SERTAD2: variants seen among roughly 807,000 people sequenced by gnomAD.
The protein encoded by SERTAD2 is SERTA domain containing 2.
Under a neutral mutation model 15.4 loss-of-function variants are expected in SERTAD2, and 2 were observed. The observed-to-expected ratio is 0.13, with a 90% confidence interval of 0.05 to 0.41. The LOEUF is 0.41. Among genes scored for constraint, SERTAD2 ranks in the 10% least tolerant of loss-of-function variants. The pLI, the probability that SERTAD2 is intolerant of heterozygous loss-of-function variation, is 0.99. For missense variants in SERTAD2, 333 were observed against 409.7 expected, an observed-to-expected ratio of 0.81 and a Z score of 1.62; for synonymous variants, 180 against 178.0, an observed-to-expected ratio of 1.01 and a Z score of -0.09.
intron 1 of SERTAD2, chr2:64,646,620 A>G (rs1674907967): frequency 6.6e-6 from 1 of 152,232 alleles, no homozygotes. Flanking sequence ...ATTGTTTCCA[A>G]ATTCAGGTAT....
intron 1 of SERTAD2, among the ~76,000 whole-genome samples, chr2:64,647,611 G>C (rs1438132249): frequency 2.6e-5 from 4 of 151,216 alleles, no homozygotes. Flanking sequence ...ACAATGTCAA[G>C]GAGGTGGGGA....
At chr2:64,652,277 G>A (rs1675028590) in intron 1 of SERTAD2, among the ~76,000 whole-genome samples, 1 of 152,090 alleles carries the variant, frequency 6.6e-6, no homozygotes, top group Non-Finnish European at 1.5e-5. Flanking sequence ...TATAAAAAGG[G>A]GGAGGGATGG....
chr2:64,632,322 T>C lies in SERTAD2; in HGVS notation c.*3605A>G, dbSNP rs1674551588. ...CATAATTCATTGTTTACCACAAAGG[T>C]GGTTCATAAATTTAAGCTTTAAAAA... is the stretch of plus-strand genomic sequence containing the variant. On this transcript the variant is annotated 3_prime_UTR_variant, in exon 2 of 2. Coordinates refer to ENST00000313349, the MANE Select transcript of SERTAD2 (RefSeq NM_014755.3). 1 of 150,754 alleles carries C rather than the reference T, an allele frequency of 6.6e-6. No individual in the cohort carries two copies. Among genetic ancestry groups the C allele is most frequent in the South Asian group, 2.1e-4 (1 of 4,680 alleles). The allele number at this position is 150,754 out of a possible 1,614,324, so 9.3% of individuals were successfully genotyped here. A position where few individuals can be genotyped will look rare whatever the true frequency, so the allele number is the denominator to read the frequency against.
At chr2:64,651,429 T>G (rs1675006752) in intron 1 of SERTAD2, among the ~76,000 whole-genome samples, 1 of 152,234 alleles carries the variant, frequency 6.6e-6, no homozygotes, top group Non-Finnish European at 1.5e-5. Context: ...TTGTGTGTGA[T>G]GCATGTGTGT....
intron 1 of SERTAD2, among the ~76,000 whole-genome samples, chr2:64,647,248 C>A (rs989390506): frequency 1.3e-5 from 2 of 152,180 alleles, no homozygotes; most frequent in African/African-American, 4.8e-5. Flanking sequence ...TATAATGAGT[C>A]TCCACATTTG....
chr2:64,648,902 G>C (rs1039249340), intron 1 of SERTAD2, among the ~76,000 whole-genome samples: 3 of 152,090 alleles, frequency 2.0e-5, no homozygotes, highest in African/African-American at 7.2e-5. Flanking sequence ...CTGACAAGCA[G>C]AGAGGCAGAG....
At chr2:64,643,847 C>A (rs1674834066) in intron 1 of SERTAD2, among the ~76,000 whole-genome samples, 1 of 151,316 alleles carries the variant, frequency 6.6e-6, no homozygotes, top group Non-Finnish European at 1.5e-5. Context: ...GCCTGGGTGA[C>A]AGAGTAAAAC....
intron 1 of SERTAD2, among the ~76,000 whole-genome samples, chr2:64,644,431 G>A (rs1221803049): frequency 1.3e-5 from 2 of 152,214 alleles, no homozygotes; most frequent in African/African-American, 2.4e-5. Context: ...ATGACAAAAG[G>A]GAACCTCCCA....
rs1385353427 is a variant in SERTAD2 at position 64,633,049 on chromosome 2, A to G, written c.*2878T>C. ...CTGGATGCCATGTGATGTCTTTCAT[A>G]AAGGGAAGGCACTGCTGGAAGCACA... On this transcript the variant is annotated 3_prime_UTR_variant, in exon 2 of 2. Coordinates refer to ENST00000313349, the MANE Select transcript of SERTAD2 (RefSeq NM_014755.3). 1.3e-5 allele frequency: 2 copies of G among 152,592 alleles called. No homozygotes were observed. The highest frequency in any genetic ancestry group is 2.9e-5 in the Non-Finnish European group (2 of 68,054). 9.5% of individuals were successfully genotyped at this position (152,592 alleles called of 1,614,324 possible). A position where few individuals can be genotyped will look rare whatever the true frequency, so the allele number is the denominator to read the frequency against.
At chr2:64,643,631 G>A (rs1486518459) in intron 1 of SERTAD2, among the ~76,000 whole-genome samples, 2 of 152,242 alleles carry the variant, frequency 1.3e-5, no homozygotes, top group African/African-American at 4.8e-5. Flanking sequence ...CACTTTGGAA[G>A]GCCGAGGCGG....
At position 64,635,231 on chromosome 2, in the gene SERTAD2, T is replaced by C. The variant is rs952352869; in HGVS notation, c.*696A>G. 6.6e-6 allele frequency: 1 copy of C among 152,670 alleles called. No individual in the cohort carries two copies. Among genetic ancestry groups the C allele is most frequent in the Admixed American group, 6.5e-5 (1 of 15,288 alleles). 9.5% of individuals were successfully genotyped at this position (152,670 alleles called of 1,614,324 possible). On this transcript the variant is annotated 3_prime_UTR_variant, in exon 2 of 2. Transcript: ENST00000313349. ...CCATACACATATAAAACATTACAAC[T>C]CTATAAAAGTACAAGTGCAACTTGT... is the stretch of plus-strand genomic sequence containing the variant.
rs1165949503 is a variant in SERTAD2 at position 64,634,802 on chromosome 2, C to T, written c.*1125G>A. ...GTTCGGATGTAAAATTTCAGGTCAT[C>T]ATAAAAATTATGCCAAAAAGGAAAG... is the stretch of plus-strand genomic sequence containing the variant. On this transcript the variant is annotated 3_prime_UTR_variant, in exon 2 of 2. Coordinates refer to ENST00000313349, the MANE Select transcript of SERTAD2 (RefSeq NM_014755.3). 6.6e-6 allele frequency: 1 copy of T among 152,102 alleles called. No homozygotes were observed. Among genetic ancestry groups the T allele is most frequent in the Non-Finnish European group, 1.5e-5 (1 of 68,006 alleles). 9.4% of individuals were successfully genotyped at this position (152,102 alleles called of 1,614,324 possible). A position where few individuals can be genotyped will look rare whatever the true frequency, so the allele number is the denominator to read the frequency against.
At chr2:64,637,139 A>G (rs1674678890) in intron 1 of SERTAD2, among the ~76,000 whole-genome samples, 1 of 152,230 alleles carries the variant, frequency 6.6e-6, no homozygotes, top group South Asian at 2.1e-4. Context: ...AATGTGTACG[A>G]CACAGACAAG....
At chr2:64,643,380 G>A (rs1039716880) in intron 1 of SERTAD2, among the ~76,000 whole-genome samples, 1 of 152,218 alleles carries the variant, frequency 6.6e-6, no homozygotes, top group East Asian at 1.9e-4. Flanking sequence ...GGCTAGTGGG[G>A]TGAGCTGGCC....
chr2:64,636,130 A>G lies in SERTAD2; in HGVS notation c.742T>C (p.Phe248Leu), dbSNP rs1256505030. 1.9e-6 allele frequency: 3 copies of G among 1,614,198 alleles called. No homozygotes were observed. Among genetic ancestry groups the G allele is most frequent in the Non-Finnish European group, 2.5e-6 (3 of 1,180,032 alleles). The change falls in exon 2 of 2, where the codon TTT (phenylalanine) becomes CTT (leucine). Residue 248 changes from phenylalanine (F) to leucine (L), a missense_variant. Physicochemically the swap from Phe to Leu is conservative, Grantham distance 22. Around this residue, in one of 2 missense-constraint regions of SERTAD2, gnomAD observed 332 missense variants for 392.9 expected, o/e 0.84. Transcript: ENST00000313349. The stretch of plus-strand genomic sequence containing the variant: ...TACATGGACGTATCAATGTCAGCAA[A>G]CAGGATGTCATCCAGGGTCAAGTCT... ...LTDLTLDDIL[F>L]ADIDTSMYDF...
Position 64,635,660 on chromosome 2 carries a change from A to G in SERTAD2, c.*267T>C, listed in dbSNP as rs1175785601. ...TTGAACTGTTTATTTTTGTCATTCA[A>G]CATTGCAACATTGTCTTCAAATGGA... On this transcript the variant is annotated 3_prime_UTR_variant, in exon 2 of 2. Coordinates refer to ENST00000313349, the MANE Select transcript of SERTAD2 (RefSeq NM_014755.3). 1.6e-5 allele frequency: 6 copies of G among 372,078 alleles called. No individual in the cohort carries two copies. The Admixed American group carries it at 2.5e-4, about 15-fold the overall frequency. The allele number at this position is 372,078 out of a possible 1,614,324, so 23.0% of individuals were successfully genotyped here. A position where few individuals can be genotyped will look rare whatever the true frequency, so the allele number is the denominator to read the frequency against.
chr2:64,643,285 A>G (rs974300153), intron 1 of SERTAD2, among the ~76,000 whole-genome samples: 3 of 152,274 alleles, frequency 2.0e-5, no homozygotes, highest in Non-Finnish European at 4.4e-5. Flanking sequence ...GGAGAGCAGC[A>G]GGCTTCACAA....
rs74903589 is a variant in SERTAD2 at position 64,633,547 on chromosome 2, C to A, written c.*2380G>T. 3 of 152,182 alleles carry A rather than the reference C, an allele frequency of 2.0e-5. No individual in the cohort carries two copies. The highest frequency in any genetic ancestry group is 2.9e-5 in the Non-Finnish European group (2 of 68,032). 9.4% of individuals were successfully genotyped at this position (152,182 alleles called of 1,614,324 possible). Reference sequence around the variant, plus strand: ...TCATCAATACTATTGTATATGTGTACGTAGGTAGATGTGTGCAGCATGCGG... The same window carrying A: ...TCATCAATACTATTGTATATGTGTAAGTAGGTAGATGTGTGCAGCATGCGG... On this transcript the variant is annotated 3_prime_UTR_variant, in exon 2 of 2. Coordinates refer to ENST00000313349, the MANE Select transcript of SERTAD2 (RefSeq NM_014755.3).
rs1558651072 is a variant in SERTAD2, at chr2:64,636,005, C to T, written c.867G>A (p.Gln289=). 6.2e-7 allele frequency: 1 copy of T among 1,614,048 alleles called. No individual in the cohort carries two copies. Among genetic ancestry groups the T allele is most frequent in the Admixed American group, 1.7e-5 (1 of 60,002 alleles). ...LLKTLAPYSS[Q]PVTPSQPFKM... ...TGAAAGGCTGACTTGGGGTGACAGG[C>T]TGACTGCTGTAAGGAGCCAGAGTTT... is the stretch of plus-strand genomic sequence containing the variant. The change falls in exon 2 of 2, where the codon CAG becomes CAA. Residue 289 remains glutamine, a synonymous_variant. Transcript: ENST00000313349.
Sources: allele counts gnomAD v4.1 joint callset (sites outside exome capture counted in the v4.1 genomes callset), GRCh38; gene constraint gnomAD v4.1.1; regional missense constraint gnomAD v4.1.1; transcripts MANE v1.5; gene names NCBI Gene and HGNC (gene_info 2026-07-23, HGNC 2026-07-21).